Variants in SEMA3D observed in about 807,000 individuals in gnomAD.
SEMA3D encodes the protein semaphorin 3D.
A neutral mutation model predicts 100.1 loss-of-function variants in SEMA3D; 84 were observed. The ratio of observed to expected loss-of-function variants is 0.84; its 90% confidence interval spans 0.70 to 1.01. The LOEUF is 1.01. Ranked by LOEUF, SEMA3D falls within the 50% of genes least tolerant of loss-of-function variation. The pLI, the probability that SEMA3D is intolerant of heterozygous loss-of-function variation, is 0.00. For missense variants in SEMA3D, 875 were observed against 934.1 expected (o/e 0.94, Z 0.82); for synonymous variants, 312 against 320.7 (o/e 0.97, Z 0.29).
chr7:85,165,050 G>A (rs1751061532), intron 1 of SEMA3D, among the ~76,000 whole-genome samples: 1 of 142,848 alleles, frequency 7.0e-6, no homozygotes, highest in South Asian at 2.2e-4. Flanking sequence ...CTGTGTCCCT[G>A]TGTTCTCATT....
At chr7:85,138,266 A>T (rs73379829) in intron 2 of SEMA3D, among the ~76,000 whole-genome samples, 6,641 of 151,992 alleles carry the variant, frequency 0.044, 456 homozygotes, top group African/African-American at 0.15. Context: ...TAAGAGCAAT[A>T]ACTGATATTC....
At chr7:85,142,324 A>G (rs1790075479) in intron 2 of SEMA3D, 2 of 965,226 alleles carry the variant, frequency 2.1e-6, no homozygotes, top group Non-Finnish European at 2.5e-6. Flanking sequence ...AGTGTCAGCC[A>G]AAGTTAATTC....
At chr7:85,093,023 G>C (rs933650003) in intron 4 of SEMA3D, among the ~76,000 whole-genome samples, 19 of 152,014 alleles carry the variant, frequency 1.2e-4, no homozygotes, top group African/African-American at 4.6e-4. Flanking sequence ...TTTTCTTGTA[G>C]AACTAGCTAA....
At chr7:85,138,880 T>C (rs1234356895) in intron 2 of SEMA3D, among the ~76,000 whole-genome samples, 1 of 151,580 alleles carries the variant, frequency 6.6e-6, no homozygotes, top group East Asian at 1.9e-4. Flanking sequence ...ATTGTTCAAC[T>C]CCCATTTTGG....
At chr7:85,118,651 A>G (rs952986679) in intron 3 of SEMA3D, among the ~76,000 whole-genome samples, 3 of 152,100 alleles carry the variant, frequency 2.0e-5, no homozygotes, top group African/African-American at 4.8e-5. Context: ...TAAGTTCCTC[A>G]TAGATGCTTT....
Position 85,151,655 on chromosome 7 carries a change from T to A in SEMA3D, c.-41+1953A>T, listed in dbSNP as rs1468521350. 1.1e-5 allele frequency: 11 copies of A among 980,568 alleles called. 1 individual carries two copies. Among genetic ancestry groups the A allele is most frequent in the South Asian group, 9.4e-5 (2 of 21,194 alleles). 60.7% of individuals were successfully genotyped at this position (980,568 alleles called of 1,614,324 possible). A position where few individuals can be genotyped will look rare whatever the true frequency, so the allele number is the denominator to read the frequency against. On this transcript the variant is annotated intron_variant, in intron 2 of 18. Coordinates refer to ENST00000284136, the MANE Select transcript of SEMA3D (RefSeq NM_001384900.1). ...TGATCAAGGTATGCAATTCTCAGTA[T>A]ATTATAGTGTATTTAGTACTATTTC...
At chr7:85,129,237 C>T (rs1789656167) in intron 2 of SEMA3D, among the ~76,000 whole-genome samples, 1 of 151,966 alleles carries the variant, frequency 6.6e-6, no homozygotes, top group Admixed American at 6.6e-5. Flanking sequence ...CTTTCAGCAG[C>T]ACTTATTCTA....
At chr7:85,151,715 C>A in intron 2 of SEMA3D, 1 of 973,302 alleles carries the variant, frequency 1.0e-6, no homozygotes, top group South Asian at 4.8e-5. Flanking sequence ...ACTGGTAGAG[C>A]TTTTTGTGGT....
At chr7:85,159,760 T>C in intron 1 of SEMA3D, 1 of 787,760 alleles carries the variant, frequency 1.3e-6, no homozygotes, top group Non-Finnish European at 1.5e-6. Flanking sequence ...TGTAAATGAT[T>C]TGATGTAGCT....
In SEMA3D at chr7:85,150,023, A is replaced by G. The variant is rs564158492; in HGVS notation, c.-41+3585T>C. Reference sequence around the variant, plus strand: ...GTATCCCCAAAAGTCCTCATGGAACAGGTACTAAGGATCTCAGTGTTCAAT... The same window carrying G: ...GTATCCCCAAAAGTCCTCATGGAACGGGTACTAAGGATCTCAGTGTTCAAT... On this transcript the variant is annotated intron_variant, in intron 2 of 18. Coordinates refer to ENST00000284136, the MANE Select transcript of SEMA3D (RefSeq NM_001384900.1). 5.1e-4 allele frequency among the ~76,000 whole-genome samples: 78 copies of G among 152,108 alleles called. 1 individual carries two copies. The highest frequency in any genetic ancestry group is 8.1e-4 in the Non-Finnish European group (55 of 68,034).
At chr7:85,177,496 CAT>C (rs1791271207) in intron 1 of SEMA3D, among the ~76,000 whole-genome samples, 1 of 152,058 alleles carries the variant, frequency 6.6e-6, no homozygotes, top group Non-Finnish European at 1.5e-5. Flanking sequence ...GAAGCATAAT[CAT>C]CATCTGGAAT....
upstream of SEMA3D, among the ~76,000 whole-genome samples, chr7:85,190,030 G>A (rs535787783): frequency 2.6e-5 from 4 of 152,176 alleles, no homozygotes; most frequent in African/African-American, 2.4e-5. Context: ...TCCACATATA[G>A]CTACCTCTGA....
chr7:85,141,849 G>A (rs1023710339), intron 2 of SEMA3D: 1 of 853,796 alleles, frequency 1.2e-6, no homozygotes, highest in African/African-American at 1.8e-5. Context: ...GAATAAACAA[G>A]GGCCCAGTTT....
chr7:85,068,319 T>A (rs778372029), intron 6 of SEMA3D, 35 bp from the exon 7 acceptor site: 5 of 1,107,098 alleles, frequency 4.5e-6, no homozygotes, highest in Non-Finnish European at 6.9e-6. Context: ...GTGAACTTTT[T>A]AAAAATATTA....
chr7:84,999,909 G>C, intron 18 of SEMA3D, 44 bp from the exon 19 acceptor site: 10 of 1,513,072 alleles, frequency 6.6e-6, no homozygotes, highest in Non-Finnish European at 9.1e-6. Flanking sequence ...AACACAGAGA[G>C]AGCTAAGAGC....
chr7:85,145,703 T>C (rs1336451722), intron 2 of SEMA3D, among the ~76,000 whole-genome samples: 1 of 152,166 alleles, frequency 6.6e-6, no homozygotes, highest in Non-Finnish European at 1.5e-5. Flanking sequence ...AGAAGTGATT[T>C]CTTATTCTCA....
chr7:85,074,083 C>T lies in SEMA3D; in HGVS notation c.376-1002G>A, dbSNP rs55907213. Among the ~76,000 whole-genome samples the T allele has an allele frequency of 6.7e-3, 1,021 of 152,206 alleles. 10 individuals carry two copies. Among genetic ancestry groups the T allele is most frequent in the African/African-American group, 0.023 (961 of 41,526 alleles). The stretch of plus-strand genomic sequence containing the variant: ...TAAATGTTACATGCAATTTCTTAAC[C>T]GTGGCTTCATGATTCTTGGATCCAA... On this transcript the variant is annotated intron_variant, in intron 5 of 18. Coordinates refer to ENST00000284136, the MANE Select transcript of SEMA3D (RefSeq NM_001384900.1).
chr7:85,240,057 C>A, the SEMA3D span, among the ~76,000 whole-genome samples: 1 of 152,106 alleles, frequency 6.6e-6, no homozygotes, highest in Non-Finnish European at 1.5e-5. Flanking sequence ...TGTTGAAAAG[C>A]TCTGGTGGGA....
At chr7:85,029,529 A>G in intron 12 of SEMA3D, 1 of 596,592 alleles carries the variant, frequency 1.7e-6, no homozygotes, top group Non-Finnish European at 3.2e-6. Context: ...AGAAGGAAGA[A>G]TTTGAACATG....
Sources: allele counts gnomAD v4.1 joint callset (sites outside exome capture counted in the v4.1 genomes callset), GRCh38; gene constraint gnomAD v4.1.1; transcripts MANE v1.5; gene names NCBI Gene and HGNC (gene_info 2026-07-23, HGNC 2026-07-21).